Variants in IL1RAPL2 observed in about 807,000 individuals in gnomAD.
IL1RAPL2 encodes X-linked interleukin-1 receptor accessory protein-like 2.
In IL1RAPL2, 3 loss-of-function variants were observed where a neutral mutation model predicts 44.1. The observed-to-expected ratio is 0.07, with a 90% CI of 0.03 to 0.18. The LOEUF is 0.18. IL1RAPL2 is among the 10% of genes least tolerant of loss of function. IL1RAPL2 has a pLI of 1.00. For missense variants in IL1RAPL2, 391 were observed against 496.4 expected (o/e 0.79, Z 2.02); for synonymous variants, 181 against 178.8 (o/e 1.01, Z -0.10).
chrX:105,679,195 C>T (rs1439683037), intron 6 of IL1RAPL2, among the ~76,000 whole-genome samples: 1 of 111,203 alleles, frequency 9.0e-6, no homozygotes, highest in Non-Finnish European at 1.9e-5. Context: ...AGTTATAATC[C>T]AAGTTATATG....
intron 2 of IL1RAPL2, among the ~76,000 whole-genome samples, chrX:104,685,345 C>A (rs1930967062): frequency 8.9e-6 from 1 of 111,876 alleles, no homozygotes; most frequent in Non-Finnish European, 1.9e-5. Context: ...GTAAGATATG[C>A]TTTTATCTAT....
intron 5 of IL1RAPL2, among the ~76,000 whole-genome samples, chrX:105,299,395 C>T (rs746849464): frequency 9.0e-6 from 1 of 110,510 alleles, no homozygotes; most frequent in South Asian, 4.0e-4. Flanking sequence ...ATTAATCTCC[C>T]CAAGGAGTTT....
intron 5 of IL1RAPL2, among the ~76,000 whole-genome samples, chrX:105,446,236 C>T (rs1038167390): frequency 9.0e-5 from 10 of 110,911 alleles, no homozygotes; most frequent in South Asian, 3.8e-4. Context: ...TTTCCATTGC[C>T]GTGGGATATC....
chrX:105,407,431 A>G (rs2035655422), intron 5 of IL1RAPL2, among the ~76,000 whole-genome samples: 1 of 111,604 alleles, frequency 9.0e-6, no homozygotes. Context: ...GGAAAGTACA[A>G]CATATGCAAT....
At chrX:105,400,143 A>G (rs1026090356) in intron 5 of IL1RAPL2, among the ~76,000 whole-genome samples, 1 of 111,675 alleles carries the variant, frequency 9.0e-6, no homozygotes, top group African/African-American at 3.2e-5. Context: ...TAAAAGCAAC[A>G]GAAAACATAT....
At chrX:105,088,117 A>G (rs2032500433) in intron 2 of IL1RAPL2, among the ~76,000 whole-genome samples, 1 of 112,075 alleles carries the variant, frequency 8.9e-6, no homozygotes, top group South Asian at 3.7e-4. Flanking sequence ...CTTCCAGAAA[A>G]GGATACTATG....
intron 6 of IL1RAPL2, among the ~76,000 whole-genome samples, chrX:105,560,044 G>A (rs2147806434): frequency 9.0e-6 from 1 of 111,404 alleles, no homozygotes; most frequent in East Asian, 2.8e-4. Context: ...ATTGCCTCAG[G>A]AACCTTTGAA....
chrX:105,239,812 A>G (rs2034154484), intron 4 of IL1RAPL2, among the ~76,000 whole-genome samples: 1 of 111,505 alleles, frequency 9.0e-6, no homozygotes, highest in Non-Finnish European at 1.9e-5. Flanking sequence ...TAGATTGTGA[A>G]GGGGTTGATT....
At chrX:105,046,918 T>C (rs1457463842) in intron 2 of IL1RAPL2, among the ~76,000 whole-genome samples, 4 of 107,167 alleles carry the variant, frequency 3.7e-5, no homozygotes, top group African/African-American at 1.4e-4. Context: ...TCTGCCGCCT[T>C]CCTCCCATTT....
chrX:105,626,993 A>G (rs181396157), intron 6 of IL1RAPL2, among the ~76,000 whole-genome samples: 91 of 111,420 alleles, frequency 8.2e-4, no homozygotes, highest in African/African-American at 2.9e-3. Context: ...ACCTAGTGCA[A>G]TAATAACAGG....
At chrX:105,714,346 T>C (rs1416945138) in intron 6 of IL1RAPL2, among the ~76,000 whole-genome samples, 1 of 111,632 alleles carries the variant, frequency 9.0e-6, no homozygotes, top group Non-Finnish European at 1.9e-5. Flanking sequence ...TCCTCCAGAT[T>C]CGTTCAGCCT....
At chrX:105,491,673 A>G (rs1055882722) in intron 6 of IL1RAPL2, among the ~76,000 whole-genome samples, 1 of 111,865 alleles carries the variant, frequency 8.9e-6, no homozygotes, top group Non-Finnish European at 1.9e-5. Context: ...AACACGCACA[A>G]GCTTAGCGTG....
chrX:104,722,394 A>T (rs1931698093), intron 2 of IL1RAPL2, among the ~76,000 whole-genome samples: 1 of 111,829 alleles, frequency 8.9e-6, no homozygotes, highest in South Asian at 3.7e-4. Flanking sequence ...ATATATAGAA[A>T]CATGGGATGG....
At chrX:105,020,140 T>G (rs2031258915) in intron 2 of IL1RAPL2, among the ~76,000 whole-genome samples, 1 of 109,166 alleles carries the variant, frequency 9.2e-6, no homozygotes, top group Non-Finnish European at 1.9e-5. Context: ...CAGCCAGCTA[T>G]TTTTAAAATT....
chrX:104,876,959 G>T (rs1374097703), intron 2 of IL1RAPL2, among the ~76,000 whole-genome samples: 67 of 107,691 alleles, frequency 6.2e-4, no homozygotes, highest in East Asian at 2.7e-3. Flanking sequence ...AATTCCCACC[G>T]ATGAGTGAGA....
intron 10 of IL1RAPL2, among the ~76,000 whole-genome samples, chrX:105,762,185 A>G (rs2038693178): frequency 8.9e-6 from 1 of 112,000 alleles, no homozygotes; most frequent in African/African-American, 3.2e-5. Flanking sequence ...CTTTTAAGTC[A>G]CTTTTCTAGA....
chrX:105,683,238 T>C (rs1398837576), intron 6 of IL1RAPL2, among the ~76,000 whole-genome samples: 1 of 111,876 alleles, frequency 8.9e-6, no homozygotes, highest in Non-Finnish European at 1.9e-5. Context: ...GACAGGCCTA[T>C]CAATTTAAGC....
At chrX:104,618,342 C>T (rs1477747822) in intron 1 of IL1RAPL2, among the ~76,000 whole-genome samples, 1 of 112,191 alleles carries the variant, frequency 8.9e-6, no homozygotes, top group Non-Finnish European at 1.9e-5. Context: ...GACAGGGAAG[C>T]CCAATGGGTG....
At chrX:104,680,887 A>G (rs1226189215) in intron 2 of IL1RAPL2, among the ~76,000 whole-genome samples, 1 of 112,225 alleles carries the variant, frequency 8.9e-6, no homozygotes, top group Non-Finnish European at 1.9e-5. Flanking sequence ...TTTACAACTT[A>G]TCTAATTTAT....
Sources: allele counts gnomAD v4.1 joint callset (sites outside exome capture counted in the v4.1 genomes callset), GRCh38; gene constraint gnomAD v4.1.1; transcripts MANE v1.5; gene names NCBI Gene and HGNC (gene_info 2026-07-23, HGNC 2026-07-21).